The following SRFBP1 variants were observed in gnomAD, a reference collection of about 807,000 sequenced individuals.
The protein encoded by SRFBP1 is serum response factor-binding protein 1.
A neutral mutation model predicts 45.5 loss-of-function variants in SRFBP1; 47 were observed. That is an observed-to-expected ratio of 1.03 (90% CI 0.82 to 1.32). SRFBP1 has a LOEUF of 1.32. Among genes scored for constraint, SRFBP1 ranks in the 40% most tolerant of loss-of-function variants. The pLI is 0.00. For synonymous variants in SRFBP1, 203 were observed against 166.3 expected, an observed-to-expected ratio of 1.22 and a Z score of -1.70; for missense variants, 621 against 484.6, an observed-to-expected ratio of 1.28 and a Z score of -2.64.
At chr5:122,024,044 A>T (rs999969026) in intron 7 of SRFBP1, among the ~76,000 whole-genome samples, 9 of 152,282 alleles carry the variant, frequency 5.9e-5, no homozygotes, top group African/African-American at 2.2e-4. Flanking sequence ...AACTTTTCTT[A>T]GACTTACAGG....
intron 2 of SRFBP1, among the ~76,000 whole-genome samples, chr5:122,036,433 A>C (rs1464325818): frequency 2.6e-5 from 4 of 152,008 alleles, no homozygotes; most frequent in East Asian, 1.9e-4. Flanking sequence ...AAATAAGTAC[A>C]TCCTGAGAAA....
At chr5:122,001,339 C>G (rs1457139109) in intron 4 of SRFBP1, among the ~76,000 whole-genome samples, 1 of 150,442 alleles carries the variant, frequency 6.6e-6, no homozygotes, top group Non-Finnish European at 1.5e-5. Flanking sequence ...AATCAGCATG[C>G]TAGATGATTT....
chr5:122,063,022 A>G (rs1191773753), intron 2 of SRFBP1, among the ~76,000 whole-genome samples: 1 of 151,984 alleles, frequency 6.6e-6, no homozygotes, highest in African/African-American at 2.4e-5. Context: ...GTCTACTTAA[A>G]ACATCAGCTA....
chr5:122,028,991 G>A (rs148226201), downstream of SRFBP1, among the ~76,000 whole-genome samples: 6 of 152,258 alleles, frequency 3.9e-5, no homozygotes, highest in Admixed American at 2.0e-4. Context: ...GAATCAGATG[G>A]TCATTTTGAG....
chr5:122,022,433 T>C, intron 7 of SRFBP1, 26 bp downstream of exon 7: 2 of 1,595,214 alleles, frequency 1.3e-6, no homozygotes, highest in Non-Finnish European at 1.7e-6. Flanking sequence ...TGCCTGACCT[T>C]CATATGCAAT....
intron 2 of SRFBP1, among the ~76,000 whole-genome samples, chr5:122,069,760 T>G (rs1174712899): frequency 6.6e-6 from 1 of 152,122 alleles, no homozygotes; most frequent in Non-Finnish European, 1.5e-5. Context: ...CTCTACATAT[T>G]GAGCAATTTG....
chr5:122,023,934 G>A (rs1000341950), intron 7 of SRFBP1, among the ~76,000 whole-genome samples: 5 of 152,064 alleles, frequency 3.3e-5, no homozygotes, highest in South Asian at 4.1e-4. Context: ...CCCACTTCCC[G>A]CTCTCATTCA....
intron 3 of SRFBP1, among the ~76,000 whole-genome samples, chr5:121,989,885 C>T (rs1031365240): frequency 6.6e-6 from 1 of 151,768 alleles, no homozygotes; most frequent in Non-Finnish European, 1.5e-5. Context: ...ATTTTTTTTC[C>T]CAGTATTTGT....
At chr5:122,034,656 C>T (rs114724187) in intron 2 of SRFBP1, among the ~76,000 whole-genome samples, 2,502 of 152,022 alleles carry the variant, frequency 0.016, 40 homozygotes, top group Non-Finnish European at 0.027. Flanking sequence ...TTATTATACC[C>T]TGTTCTCACC....
intron 4 of SRFBP1, among the ~76,000 whole-genome samples, chr5:121,999,846 T>A (rs1177727428): frequency 1.3e-5 from 2 of 152,100 alleles, no homozygotes; most frequent in Non-Finnish European, 2.9e-5. Flanking sequence ...AGGTGATTTT[T>A]AAAAAATCAA....
At chr5:122,077,147 G>T, downstream of SRFBP1, 7 of 1,468,190 alleles carry the variant, frequency 4.8e-6, no homozygotes, top group Non-Finnish European at 6.3e-6. The surrounding 1 kb of genome is among the most constrained non-coding windows in gnomAD (Gnocchi z 4.9). Context: ...AACTGGGGAC[G>T]CCCGGGACTG....
At chr5:121,981,522 G>A (rs890579207) in intron 3 of SRFBP1, among the ~76,000 whole-genome samples, 1 of 143,478 alleles carries the variant, frequency 7.0e-6, no homozygotes, top group African/African-American at 2.6e-5. Flanking sequence ...CTACCTCTCT[G>A]TTGCTTCTGT....
At chr5:121,969,203 T>C (rs1321732205) in intron 1 of SRFBP1, among the ~76,000 whole-genome samples, 2 of 152,208 alleles carry the variant, frequency 1.3e-5, no homozygotes, top group African/African-American at 4.8e-5. Flanking sequence ...AAAGCTAGTT[T>C]ATTAAAAAAC....
At chr5:121,985,485 A>C (rs1387213275) in intron 3 of SRFBP1, among the ~76,000 whole-genome samples, 1 of 151,770 alleles carries the variant, frequency 6.6e-6, no homozygotes. Flanking sequence ...AGAGAGATTA[A>C]CTGGTGTGTT....
At chr5:121,982,549 CAT>C (rs1752431114) in intron 3 of SRFBP1, among the ~76,000 whole-genome samples, 2 of 151,836 alleles carry the variant, frequency 1.3e-5, no homozygotes, top group African/African-American at 4.8e-5. Context: ...TAAATAAGAA[CAT>C]ATGTGAAAAA....
At chr5:121,975,525 G>A in intron 3 of SRFBP1, 138 bp downstream of exon 3, 1 of 904,430 alleles carries the variant, frequency 1.1e-6, no homozygotes, top group Non-Finnish European at 1.7e-6. Context: ...GTTTGGTGAA[G>A]AATGTAGCAC....
In SRFBP1 at chr5:122,043,313, T is replaced by A. The variant is rs558666591; in HGVS notation, n.311+20906T>A. Among the ~76,000 whole-genome samples the A allele has an allele frequency of 9.9e-4, 150 of 152,212 alleles. 2 individuals carry two copies. In the Middle Eastern group the frequency reaches 0.01, roughly 10 times the overall value. On this transcript the variant is annotated intron_variant and non_coding_transcript_variant, in intron 2 of 2. Transcript: ENST00000504881. ...TCACTGCAACCTCTGCTTCCTGGGT[T>A]CAAGCAATTCTCCTGCCTCAGCCTC...
At chr5:121,987,088 A>C (rs1164585344) in intron 3 of SRFBP1, among the ~76,000 whole-genome samples, 2 of 152,146 alleles carry the variant, frequency 1.3e-5, no homozygotes, top group African/African-American at 4.8e-5. Flanking sequence ...CTCATCCTCG[A>C]GTCTGGAAAA....
chr5:122,034,399 T>C (rs549634833), intron 2 of SRFBP1, among the ~76,000 whole-genome samples: 1 of 152,284 alleles, frequency 6.6e-6, no homozygotes, highest in South Asian at 2.1e-4. Flanking sequence ...GGAAGGTTTA[T>C]GTTTCTGTTG....
Sources: gnomAD v4.1 joint callset for allele counts (sites outside exome capture counted in the v4.1 genomes callset) on GRCh38, gnomAD v4.1.1 for gene constraint, Gnocchi (gnomAD v3.1) non-coding constraint, MANE v1.5 for transcripts, NCBI Gene and HGNC (gene_info 2026-07-23, HGNC 2026-07-21) for gene names.